The following CSN1S1 variants were observed in gnomAD, a reference collection of about 807,000 sequenced individuals.
The protein encoded by CSN1S1 is casein alpha s1.
A neutral mutation model predicts 49.1 loss-of-function variants in CSN1S1; 63 were observed. That is an observed-to-expected ratio of 1.28 (90% confidence interval 1.05 to 1.58). The LOEUF (loss-of-function observed/expected upper bound fraction) is 1.58. Among genes scored for constraint, CSN1S1 ranks in the 40% most tolerant of loss-of-function variants. The pLI is 0.00. For synonymous variants in CSN1S1, 78 were observed against 67.1 expected (o/e 1.16, Z -0.79); for missense variants, 260 against 224.7 (o/e 1.16, Z -1.01).
chr4:69,942,608 A>T, intron 14 of CSN1S1, 31 bp downstream of exon 14: 1 of 1,526,104 alleles, frequency 6.6e-7, no homozygotes, highest in East Asian at 2.4e-5. Flanking sequence ...TTACAAAACG[A>T]TAATATTTTG....
At position 69,941,020 on chromosome 4, in the gene CSN1S1, AAC is replaced by A; in HGVS notation, c.304_305del (p.Gln102ValfsTer3). ...GAGAATATTTTTCTTTTTAAATAGG[AAC>A]AGTTTTGTAGACTGAACGAATACAA... is the stretch of plus-strand genomic sequence containing the variant. On this transcript the variant is annotated frameshift_variant and splice_region_variant, in exon 12 of 16. Coordinates refer to ENST00000246891, the MANE Select transcript of CSN1S1 (RefSeq NM_001890.2). LOFTEE classifies it high-confidence loss of function. The A allele has an allele frequency of 6.6e-7, 1 of 1,506,658 alleles. No individual in the cohort carries two copies. The highest frequency in any genetic ancestry group is 1.2e-5 in the South Asian group (1 of 81,758). The allele number at this position is 1,506,658 out of a possible 1,614,324, so 93.3% of individuals were successfully genotyped here. A position where few individuals can be genotyped will look rare whatever the true frequency, so the allele number is the denominator to read the frequency against.
intron 2 of CSN1S1, among the ~76,000 whole-genome samples, chr4:69,933,755 T>C (rs1722682641): frequency 6.6e-6 from 1 of 152,036 alleles, no homozygotes; most frequent in Non-Finnish European, 1.5e-5. Flanking sequence ...AATTTTCGTA[T>C]AATTTAAGTG....
At chr4:69,944,759 T>C in intron 14 of CSN1S1, 91 bp from the exon 15 acceptor site, 1 of 1,310,840 alleles carries the variant, frequency 7.6e-7, no homozygotes, top group Non-Finnish European at 1.1e-6. Flanking sequence ...AACAGGCATC[T>C]TGGAAATGAA....
rs543213244 is a variant in CSN1S1, at chr4:69,938,656, A to G, written c.244-520A>G. On this transcript the variant is annotated intron_variant, in intron 9 of 15. Transcript: ENST00000246891. ...AGTAAAATTATATGTATATATAAATATAAACATAAATGACTTTGAAGAAAA... is the reference window on the plus strand; with the variant it reads ...AGTAAAATTATATGTATATATAAATGTAAACATAAATGACTTTGAAGAAAA... Among the ~76,000 whole-genome samples the G allele has an allele frequency of 8.4e-4, 127 of 151,908 alleles. 1 individual carries two copies. The highest frequency in any genetic ancestry group is 2.5e-3 in the African/African-American group (104 of 41,534).
At chr4:69,943,046 T>C (rs1318062998) in intron 14 of CSN1S1, among the ~76,000 whole-genome samples, 1 of 147,536 alleles carries the variant, frequency 6.8e-6, no homozygotes, top group African/African-American at 2.5e-5. Context: ...TTACCCTCAG[T>C]TTTTTTTTTC....
chr4:69,941,680 A>G (rs920147649), intron 12 of CSN1S1, among the ~76,000 whole-genome samples: 14 of 151,954 alleles, frequency 9.2e-5, no homozygotes, highest in African/African-American at 3.4e-4. Context: ...ATAGAGGAAG[A>G]TGAAAATCAG....
chr4:69,934,586 T>A, intron 3 of CSN1S1, 104 bp from the exon 4 acceptor site: 1 of 1,012,742 alleles, frequency 9.9e-7, no homozygotes, highest in Non-Finnish European at 1.5e-6. Flanking sequence ...ATATGTTGAA[T>A]CTTGAATTAG....
intron 12 of CSN1S1, among the ~76,000 whole-genome samples, chr4:69,941,320 G>T (rs1431975104): frequency 2.6e-5 from 4 of 151,626 alleles, no homozygotes; most frequent in Non-Finnish European, 5.9e-5. Context: ...ACATTCTACT[G>T]CAAATCCACT....
intron 14 of CSN1S1, among the ~76,000 whole-genome samples, chr4:69,944,162 G>C (rs1357994417): frequency 1.3e-5 from 2 of 151,942 alleles, no homozygotes; most frequent in African/African-American, 4.8e-5. Flanking sequence ...TGCTTTTAAA[G>C]ATTTTCCTAA....
intron 2 of CSN1S1, among the ~76,000 whole-genome samples, chr4:69,933,345 G>A (rs542791735): frequency 2.0e-5 from 3 of 151,962 alleles, no homozygotes; most frequent in African/African-American, 7.2e-5. Flanking sequence ...GGATGATAAG[G>A]GATATTTGGA....
intron 4 of CSN1S1, 53 bp downstream of exon 4, chr4:69,934,763 A>G (rs577485209): frequency 1.3e-6 from 2 of 1,524,076 alleles, no homozygotes; most frequent in Admixed American, 3.4e-5. Flanking sequence ...GCTCTCTTTC[A>G]GTTAGCTGTC....
chr4:69,943,239 A>G (rs1425538784), intron 14 of CSN1S1, among the ~76,000 whole-genome samples: 6 of 151,556 alleles, frequency 4.0e-5, no homozygotes, highest in Non-Finnish European at 7.4e-5. Flanking sequence ...GCTGGAGTGC[A>G]GTGGCACAAT....
chr4:69,939,261 A>G, intron 10 of CSN1S1, 53 bp downstream of exon 10: 1 of 1,339,290 alleles, frequency 7.5e-7, no homozygotes. Context: ...AAAATTATGA[A>G]AACTTGTACC....
intron 9 of CSN1S1, 77 bp downstream of exon 9, chr4:69,937,900 G>T (rs1722843348): frequency 1.0e-6 from 1 of 994,664 alleles, no homozygotes; most frequent in Non-Finnish European, 1.4e-6. Context: ...ATTTTAAAAA[G>T]ACTGTCTTCT....
Position 69,939,903 on chromosome 4 carries a change from A to C in CSN1S1, c.277-118A>C, listed in dbSNP as rs1003697522. 1.1e-5 allele frequency: 7 copies of C among 614,184 alleles called. No homozygotes were observed. The African/African-American group carries it at 1.2e-4, about 10-fold the overall frequency. 38.0% of individuals were successfully genotyped at this position (614,184 alleles called of 1,614,324 possible). On this transcript the variant is annotated intron_variant, in intron 10 of 15. Transcript: ENST00000246891. ...TCTTGTCTCAGTTTTTTGGGAATTTATCACTAAAATCAATTCACTGCAATT... is the reference window on the plus strand; with the variant it reads ...TCTTGTCTCAGTTTTTTGGGAATTTCTCACTAAAATCAATTCACTGCAATT...
intron 15 of CSN1S1, among the ~76,000 whole-genome samples, chr4:69,945,851 T>A (rs7436100): frequency 2.4e-5 from 2 of 84,850 alleles, no homozygotes; most frequent in Admixed American, 9.9e-5. Flanking sequence ...AATTGTGTGT[T>A]TGTGTGTGTG....
At chr4:69,936,510 T>C in intron 6 of CSN1S1, 31 bp downstream of exon 6, 1 of 1,592,414 alleles carries the variant, frequency 6.3e-7, no homozygotes, top group Non-Finnish European at 8.6e-7. Flanking sequence ...TTAAATTATG[T>C]TAAAAGTTTG....
chr4:69,941,679 G>C (rs1263601173), intron 12 of CSN1S1, among the ~76,000 whole-genome samples: 1 of 151,908 alleles, frequency 6.6e-6, no homozygotes, highest in Non-Finnish European at 1.5e-5. Context: ...AATAGAGGAA[G>C]ATGAAAATCA....
chr4:69,944,143 C>T (rs1282696318), intron 14 of CSN1S1, among the ~76,000 whole-genome samples: 2 of 151,912 alleles, frequency 1.3e-5, no homozygotes, highest in Non-Finnish European at 2.9e-5. Flanking sequence ...TCCACAGCAA[C>T]ATTTTAAATG....
Sources: allele counts gnomAD v4.1 joint callset (sites outside exome capture counted in the v4.1 genomes callset), GRCh38; gene constraint gnomAD v4.1.1; transcripts MANE v1.5; gene names NCBI Gene and HGNC (gene_info 2026-07-23, HGNC 2026-07-21).